The following FRYL variants were observed in gnomAD, a reference collection of about 807,000 sequenced individuals.
FRYL encodes FRY like transcription coactivator, also known as protein furry homolog-like.
FRYL carries 150 observed loss-of-function variants against 351.2 expected under a neutral mutation model. That is an observed-to-expected ratio of 0.43 (90% CI 0.37 to 0.49). FRYL has a LOEUF of 0.49. FRYL is among the 20% of genes least tolerant of loss of function. The probability of loss-of-function intolerance (pLI) is 0.00; values close to 1 mark genes in which losing one functional copy is unlikely to be tolerated. For missense variants in FRYL, 3,036 were observed against 3,619.3 expected (o/e 0.84, Z 4.13); for synonymous variants, 1,153 against 1,257.1 (o/e 0.92, Z 1.75).
intron 1 of FRYL, among the ~76,000 whole-genome samples, chr4:48,714,113 T>A (rs935288145): frequency 6.6e-6 from 1 of 152,114 alleles, no homozygotes; most frequent in African/African-American, 2.4e-5. Flanking sequence ...CTGGGACACA[T>A]TTAAAGCAGT....
At chr4:48,697,383 A>C (rs1766299746) in intron 2 of FRYL, among the ~76,000 whole-genome samples, 1 of 152,222 alleles carries the variant, frequency 6.6e-6, no homozygotes, top group Admixed American at 6.5e-5. Context: ...ACTTCAAAAA[A>C]TAATGTATTT....
At chr4:48,604,797 T>C (rs1272949267) in intron 11 of FRYL, among the ~76,000 whole-genome samples, 1 of 152,252 alleles carries the variant, frequency 6.6e-6, no homozygotes, top group Non-Finnish European at 1.5e-5. Context: ...AAAGCAAATA[T>C]GGTATAAAAG....
intron 3 of FRYL, among the ~76,000 whole-genome samples, chr4:48,668,652 C>A (rs1449758449): frequency 6.6e-6 from 1 of 152,210 alleles, no homozygotes; most frequent in Non-Finnish European, 1.5e-5. Context: ...AAAGTCAGAC[C>A]AACTCAGTCC....
chr4:48,582,388 T>C (rs3107023), intron 20 of FRYL, 109 bp downstream of exon 20: 691,746 of 717,818 alleles, frequency 0.96, 333,536 homozygotes, highest in East Asian at 0.98. Flanking sequence ...TGAGAGTGAA[T>C]AGAACTAATA....
intron 1 of FRYL, among the ~76,000 whole-genome samples, chr4:48,733,640 CAT>C (rs1770980189): frequency 6.6e-6 from 1 of 151,990 alleles, no homozygotes; most frequent in Non-Finnish European, 1.5e-5. Flanking sequence ...TATATGCATA[CAT>C]ATGTGTCTAT....
At chr4:48,688,247 A>C (rs1365178170) in intron 2 of FRYL, among the ~76,000 whole-genome samples, 1 of 152,162 alleles carries the variant, frequency 6.6e-6, no homozygotes, top group Non-Finnish European at 1.5e-5. Context: ...TGATGCAAAA[A>C]CCAAAATGAC....
chr4:48,497,693 C>T lies in FRYL; in HGVS notation c.*1729G>A, dbSNP rs1265522502. On this transcript the variant is annotated 3_prime_UTR_variant, in exon 64 of 64. Transcript: ENST00000358350. ...ACCATCCCTCTCTGCCTGCCCCACA[C>T]CCAAAAGTTTTAAATAATTTAAAGG... The T allele has an allele frequency of 6.6e-6, 1 of 152,538 alleles. No homozygotes were observed. Among genetic ancestry groups the T allele is most frequent in the Non-Finnish European group, 1.5e-5 (1 of 68,018 alleles). The allele number at this position is 152,538 out of a possible 1,614,324, so 9.4% of individuals were successfully genotyped here. A position where few individuals can be genotyped will look rare whatever the true frequency, so the allele number is the denominator to read the frequency against.
At chr4:48,530,624 T>C (rs1436214344) in intron 50 of FRYL, among the ~76,000 whole-genome samples, 2 of 152,192 alleles carry the variant, frequency 1.3e-5, no homozygotes, top group Non-Finnish European at 1.5e-5. Context: ...TACTTGCATT[T>C]TTTTGAACTC....
intron 62 of FRYL, 47 bp downstream of exon 62, chr4:48,501,576 A>T (rs770654238): frequency 3.7e-4 from 394 of 1,053,438 alleles, no homozygotes; most frequent in Non-Finnish European, 5.2e-4. Flanking sequence ...TTATTTTAAA[A>T]TTTTTTTAGA....
In FRYL at chr4:48,537,141, T is replaced by C. The variant is rs1373594213; in HGVS notation, c.6394-1314A>G. Among the ~76,000 whole-genome samples, 3 of 152,230 alleles carry C rather than the reference T, an allele frequency of 2.0e-5. No homozygotes were observed. In the East Asian group the frequency reaches 5.8e-4, roughly 29 times the overall value. On this transcript the variant is annotated intron_variant, in intron 47 of 63. Coordinates refer to ENST00000358350, the MANE Select transcript of FRYL (RefSeq NM_015030.2). ...TCGCATAATTTTATAACTTCTCAAG[T>C]TGTTAAATTCTTTAAAACATAAAAA...
At chr4:48,509,393 T>C (rs551312014) in intron 59 of FRYL, among the ~76,000 whole-genome samples, 19 of 152,328 alleles carry the variant, frequency 1.2e-4, no homozygotes, top group South Asian at 1.2e-3. Flanking sequence ...AATAGTACCA[T>C]GAGATACCAC....
Position 48,710,518 on chromosome 4 carries a change from C to T in FRYL, c.-204+1G>A, listed in dbSNP as rs371213309. 10 of 398,498 alleles carry T rather than the reference C, an allele frequency of 2.5e-5. No individual in the cohort carries two copies. The South Asian group carries it at 5.1e-4, about 20-fold the overall frequency. 24.7% of individuals were successfully genotyped at this position (398,498 alleles called of 1,614,324 possible). ...AAAAGAGGAAATATACATGTCCTTA[C>T]CACTTAGAAATGGTTGTTGAGGCAC... On this transcript the variant is annotated splice_donor_variant, in intron 2 of 63. Coordinates refer to ENST00000358350, the MANE Select transcript of FRYL (RefSeq NM_015030.2). LOFTEE classifies it low-confidence loss of function (5UTR_SPLICE).
intron 1 of FRYL, among the ~76,000 whole-genome samples, chr4:48,759,405 T>C (rs1040066754): frequency 5.3e-5 from 8 of 152,212 alleles, no homozygotes; most frequent in African/African-American, 1.2e-4. Context: ...TTGTAGGCAC[T>C]ATACCAGTTT....
At chr4:48,561,958 G>A (rs904701731) in intron 32 of FRYL, among the ~76,000 whole-genome samples, 4 of 152,208 alleles carry the variant, frequency 2.6e-5, no homozygotes, top group African/African-American at 9.7e-5. Flanking sequence ...AGAGGCAGCA[G>A]TGAGCCATGA....
chr4:48,528,011 G>T lies in FRYL; in HGVS notation c.7100C>A (p.Ser2367Tyr). The change falls in exon 52 of 64, where the codon TCT becomes TAT. Residue 2367 changes from serine (S) to tyrosine (Y), a missense_variant. This residue lies in a region of FRYL where 1,987 missense variants were observed against 2,311.7 expected (regional missense o/e 0.86). Transcript: ENST00000358350. Reference sequence around the variant, plus strand: ...GAGGCCAGATTCTGGACCACAGAGAGAAAGCACATTCATTAGCTTTTCTCT... The same window carrying T: ...GAGGCCAGATTCTGGACCACAGAGATAAAGCACATTCATTAGCTTTTCTCT... The part of the protein sequence containing the change: ...RTREKLMNVL[S>Y]LCGPESGLPK... 6.3e-7 allele frequency: 1 copy of T among 1,582,114 alleles called. No individual in the cohort carries two copies. Among genetic ancestry groups the T allele is most frequent in the Non-Finnish European group, 8.5e-7 (1 of 1,171,166 alleles).
intron 3 of FRYL, among the ~76,000 whole-genome samples, chr4:48,666,048 T>C (rs190578796): frequency 7.0e-4 from 107 of 152,206 alleles, no homozygotes; most frequent in African/African-American, 2.5e-3. Context: ...GGCAACCAAA[T>C]ATAAGAGCAA....
At chr4:48,624,936 C>T (rs1751465962) in intron 4 of FRYL, among the ~76,000 whole-genome samples, 1 of 152,174 alleles carries the variant, frequency 6.6e-6, no homozygotes, top group Non-Finnish European at 1.5e-5. Context: ...TCTCTGCCTA[C>T]AGATTCAAAG....
At chr4:48,698,474 C>G (rs1766419159) in intron 2 of FRYL, among the ~76,000 whole-genome samples, 1 of 152,218 alleles carries the variant, frequency 6.6e-6, no homozygotes, top group South Asian at 2.1e-4. Flanking sequence ...CACAACAGCT[C>G]CTGGCTCTGT....
At chr4:48,599,597 C>T (rs2149243524) in intron 13 of FRYL, among the ~76,000 whole-genome samples, 1 of 152,136 alleles carries the variant, frequency 6.6e-6, no homozygotes, top group Non-Finnish European at 1.5e-5. Context: ...TGCTTATATC[C>T]AACAACATTC....
Sources: gnomAD v4.1 joint callset for allele counts (sites outside exome capture counted in the v4.1 genomes callset) on GRCh38, gnomAD v4.1.1 for gene constraint, gnomAD v4.1.1 regional missense constraint, MANE v1.5 for transcripts, NCBI Gene and HGNC (gene_info 2026-07-23, HGNC 2026-07-21) for gene names.